TMEM59L: variants seen among roughly 807,000 people sequenced by gnomAD.
TMEM59L encodes the protein transmembrane protein 59-like.
A neutral mutation model predicts 39.6 loss-of-function variants in TMEM59L; 31 were observed. The observed-to-expected ratio is 0.78, with a 90% CI of 0.59 to 1.06. The LOEUF is 1.06. Ranked by LOEUF, TMEM59L falls within the 50% of genes least tolerant of loss-of-function variation. TMEM59L has a pLI of 0.00. For synonymous variants in TMEM59L, 219 were observed against 202.9 expected (o/e 1.08, Z -0.68); for missense variants, 441 against 451.3 (o/e 0.98, Z 0.21).
rs866380327 is a variant in TMEM59L, at chr19:18,620,612, G to A, written c.*76G>A. The stretch of plus-strand genomic sequence containing the variant: ...CTTGCCCTGAGCCCAGGAGTCCAAG[G>A]GCAGGGTGGGTCCAGCCTTGAGCCC... On this transcript the variant is annotated 3_prime_UTR_variant, in exon 8 of 8. Transcript: ENST00000262817. The A allele has an allele frequency of 2.1e-5, 33 of 1,543,756 alleles. No individual in the cohort carries two copies. The Middle Eastern group carries it at 9.6e-4, about 45-fold the overall frequency.
At chr19:18,619,142 C>T (rs1976466625) in intron 7 of TMEM59L, among the ~76,000 whole-genome samples, 1 of 152,092 alleles carries the variant, frequency 6.6e-6, no homozygotes, top group African/African-American at 2.4e-5. Flanking sequence ...CAGTCACGTG[C>T]CACCATGCCC....
chr19:18,617,192 A>T (rs988550033), intron 5 of TMEM59L, 90 bp downstream of exon 5: 2 of 948,474 alleles, frequency 2.1e-6, no homozygotes, highest in Admixed American at 1.8e-5. Context: ...TAGGATCGGG[A>T]TCTCCATCTC....
intron 7 of TMEM59L, among the ~76,000 whole-genome samples, chr19:18,619,616 A>C (rs1275133100): frequency 6.6e-6 from 1 of 151,982 alleles, no homozygotes; most frequent in Non-Finnish European, 1.5e-5. Flanking sequence ...CATCCTGGCT[A>C]ACAAGGTGAA....
chr19:18,614,211 C>T lies in TMEM59L; in HGVS notation c.408+16C>T, dbSNP rs1238783245. ...GGAGCAGAAGGTGGGCCTCCCACTG[C>T]GGCCTGGGGTCCCTTTTCCCAATAC... On this transcript the variant is annotated intron_variant, in intron 3 of 7. Transcript: ENST00000262817. The T allele has an allele frequency of 5.7e-6, 9 of 1,574,374 alleles. No individual in the cohort carries two copies. The highest frequency in any genetic ancestry group is 2.3e-5 in the East Asian group (1 of 43,616).
chr19:18,619,973 TCACACACACA>T (rs57681167), intron 7 of TMEM59L, among the ~76,000 whole-genome samples: 1,242 of 116,906 alleles, frequency 0.011, 11 homozygotes, highest in South Asian at 0.051. Flanking sequence ...GAAGACCCCA[TCACACACACA>T]CACACACACA....
chr19:18,615,282 C>A (rs1976415656), intron 3 of TMEM59L, among the ~76,000 whole-genome samples: 1 of 152,192 alleles, frequency 6.6e-6, no homozygotes, highest in Non-Finnish European at 1.5e-5. Context: ...CATGGCCGGC[C>A]ATCAGACCTC....
intron 3 of TMEM59L, among the ~76,000 whole-genome samples, chr19:18,615,229 C>G (rs1408183251): frequency 6.6e-6 from 1 of 152,094 alleles, no homozygotes; most frequent in Non-Finnish European, 1.5e-5. Flanking sequence ...GTGATCTTCC[C>G]ACGTCGGCCT....
chr19:18,616,162 A>C (rs1313151030), intron 4 of TMEM59L, 35 bp downstream of exon 4: 13 of 1,611,098 alleles, frequency 8.1e-6, no homozygotes, highest in South Asian at 5.5e-5. Flanking sequence ...CCAGAGTGGC[A>C]GATGGGTGGG....
In TMEM59L at chr19:18,618,157, C is replaced by T. The variant is rs757503566; in HGVS notation, c.667C>T (p.Pro223Ser). 1.9e-6 allele frequency: 3 copies of T among 1,613,318 alleles called. No homozygotes were observed. The highest frequency in any genetic ancestry group is 2.5e-6 in the Non-Finnish European group (3 of 1,179,444). ...HPEALEVHVD[P>S]VGPLDKVRKA... Reference sequence around the variant, plus strand: ...CTGAGTGGCAGCTGATCTCTCAGACCCTGTAGGCCCCCTGGACAAGGTGAG... The same window carrying T: ...CTGAGTGGCAGCTGATCTCTCAGACTCTGTAGGCCCCCTGGACAAGGTGAG... The change falls in exon 6 of 8, where the codon CCT becomes TCT. Residue 223 changes from proline to serine, a missense_variant and splice_region_variant. Coordinates refer to ENST00000262817, the MANE Select transcript of TMEM59L (RefSeq NM_012109.3).
intron 1 of TMEM59L, 108 bp downstream of exon 1, chr19:18,613,237 G>T: frequency 8.7e-7 from 1 of 1,151,072 alleles, no homozygotes; most frequent in Non-Finnish European, 1.1e-6. Context: ...TTTGGTGGGG[G>T]TGTCCGTGGG....
intron 7 of TMEM59L, among the ~76,000 whole-genome samples, chr19:18,619,551 T>A (rs1976470248): frequency 6.6e-6 from 1 of 152,060 alleles, no homozygotes; most frequent in Admixed American, 6.6e-5. Flanking sequence ...ATGCCTGTAA[T>A]CCCAGCACTT....
intron 4 of TMEM59L, 115 bp downstream of exon 4, chr19:18,616,242 G>T: frequency 7.8e-7 from 1 of 1,280,364 alleles, no homozygotes; most frequent in Non-Finnish European, 1.1e-6. Context: ...GCGAGCTTCA[G>T]GCACAGCTGG....
rs1415542800 is a variant in TMEM59L, at chr19:18,620,676, C to A, written c.*140C>A. On this transcript the variant is annotated 3_prime_UTR_variant, in exon 8 of 8. Transcript: ENST00000262817. Reference sequence around the variant, plus strand: ...TCCTTCCTCTCCTCCCAGTCCCACCCCTTGCCCCACGGAGTCCTGGGGACG... The same window carrying A: ...TCCTTCCTCTCCTCCCAGTCCCACCACTTGCCCCACGGAGTCCTGGGGACG... 2 of 1,295,552 alleles carry A rather than the reference C, an allele frequency of 1.5e-6. No individual in the cohort carries two copies. The highest frequency in any genetic ancestry group is 1.7e-5 in the South Asian group (1 of 58,552). 80.3% of individuals were successfully genotyped at this position (1,295,552 alleles called of 1,614,324 possible). A position where few individuals can be genotyped will look rare whatever the true frequency, so the allele number is the denominator to read the frequency against.
Position 18,612,949 on chromosome 19 carries a change from C to T in TMEM59L, c.-10C>T. 7.7e-7 allele frequency: 1 copy of T among 1,300,222 alleles called. No individual in the cohort carries two copies. Among genetic ancestry groups the T allele is most frequent in the Non-Finnish European group, 9.7e-7 (1 of 1,028,792 alleles). 80.5% of individuals were successfully genotyped at this position (1,300,222 alleles called of 1,614,324 possible). A position where few individuals can be genotyped will look rare whatever the true frequency, so the allele number is the denominator to read the frequency against. On this transcript the variant is annotated 5_prime_UTR_variant, in exon 1 of 8. Transcript: ENST00000262817. This position sits in a 1 kb window ranked among gnomAD's most constrained non-coding sequence, Gnocchi z 6.2. ...TGGAGTCCCCCGCGCCCCCCGCGTT[C>T]CGCCCGGCCATGGCTGCGGTGGCGC... is the stretch of plus-strand genomic sequence containing the variant.
chr19:18,613,069 G>A lies in TMEM59L; in HGVS notation c.111G>A (p.Gly37=). The A allele has an allele frequency of 1.5e-6, 2 of 1,376,508 alleles. No homozygotes were observed. The highest frequency in any genetic ancestry group is 1.9e-6 in the Non-Finnish European group (2 of 1,067,496). 85.3% of individuals were successfully genotyped at this position (1,376,508 alleles called of 1,614,324 possible). A position where few individuals can be genotyped will look rare whatever the true frequency, so the allele number is the denominator to read the frequency against. ...SARDPFAPQL[G]DTQNCQLRCR... ...GCGATCCCTTCGCCCCCCAGCTCGG[G>A]GACACGCAGAACTGCCAGCTGCGGT... The change falls in exon 1 of 8, where the codon GGG becomes GGA. Residue 37 remains glycine, a synonymous_variant. Coordinates refer to ENST00000262817, the MANE Select transcript of TMEM59L (RefSeq NM_012109.3).
At chr19:18,613,173 C>T (rs967612950) in intron 1 of TMEM59L, 44 bp downstream of exon 1, 306 of 1,257,654 alleles carry the variant, frequency 2.4e-4, no homozygotes, top group Non-Finnish European at 2.9e-4. Context: ...GACGCGGGAT[C>T]TCTCCGAAGG....
At chr19:18,613,782 C>A (rs1261590082) in intron 1 of TMEM59L, 90 bp from the exon 2 acceptor site, 4 of 1,047,560 alleles carry the variant, frequency 3.8e-6, no homozygotes, top group East Asian at 4.9e-5. Flanking sequence ...AGCGGGGAAG[C>A]CTTTCCCTGC....
intron 5 of TMEM59L, 45 bp downstream of exon 5, chr19:18,617,147 C>G (rs755236363): frequency 3.5e-5 from 51 of 1,478,184 alleles, no homozygotes; most frequent in Non-Finnish European, 4.6e-5. Context: ...GGTGGCCCCA[C>G]TGCCACAAGG....
At chr19:18,616,725 C>CA (rs1313479983) in intron 4 of TMEM59L, among the ~76,000 whole-genome samples, 3 of 152,182 alleles carry the variant, frequency 2.0e-5, no homozygotes, top group Non-Finnish European at 4.4e-5. Flanking sequence ...GGGATTTACT[C>CA]TGATTGGCCC....
Sources: allele counts gnomAD v4.1 joint callset (sites outside exome capture counted in the v4.1 genomes callset), GRCh38; gene constraint gnomAD v4.1.1; non-coding constraint Gnocchi (gnomAD v3.1); transcripts MANE v1.5; gene names NCBI Gene and HGNC (gene_info 2026-07-23, HGNC 2026-07-21).